Variants in CPOX observed in about 807,000 individuals in gnomAD.
CPOX encodes the protein coproporphyrinogen oxidase.
CPOX carries 24 observed loss-of-function variants against 48.9 expected under a neutral mutation model. The observed-to-expected ratio is 0.49, with a 90% CI of 0.36 to 0.69. CPOX has a LOEUF of 0.69. Among genes scored for constraint, CPOX ranks in the 30% least tolerant of loss-of-function variants. The pLI is 0.00. For missense variants in CPOX, 549 were observed against 597.3 expected, an observed-to-expected ratio of 0.92 and a Z score of 0.84; for synonymous variants, 249 against 234.6, an observed-to-expected ratio of 1.06 and a Z score of -0.56.
intron 1 of CPOX, 116 bp from the exon 2 acceptor site, chr3:98,591,271 T>C: frequency 1.8e-6 from 2 of 1,088,582 alleles, no homozygotes; most frequent in Non-Finnish European, 2.8e-6. Context: ...TCAGTGTATT[T>C]ATCATTTTAT....
chr3:98,589,060 C>T (rs1485481008), intron 3 of CPOX, among the ~76,000 whole-genome samples: 1 of 152,208 alleles, frequency 6.6e-6, no homozygotes, highest in African/African-American at 2.4e-5. Context: ...TGGCTCATGC[C>T]TGTAATCCCA....
chr3:98,591,182 A>G (rs1466014923), intron 1 of CPOX, 27 bp from the exon 2 acceptor site: 1 of 1,613,816 alleles, frequency 6.2e-7, no homozygotes, highest in African/African-American at 1.3e-5. Flanking sequence ...AAAAAAGGAG[A>G]GAATGTAAGA....
chr3:98,578,278 C>A (rs1576295627), downstream of CPOX: 1 of 969,336 alleles, frequency 1.0e-6, no homozygotes, highest in Non-Finnish European at 1.2e-6. Context: ...GAACTGAAAA[C>A]AAATGCACAG....
chr3:98,577,502 C>G (rs903721375), downstream of CPOX, among the ~76,000 whole-genome samples: 6 of 152,118 alleles, frequency 3.9e-5, no homozygotes, highest in African/African-American at 1.2e-4. Flanking sequence ...TCAACAGGAA[C>G]TAATTAGGGC....
intron 5 of CPOX, 32 bp downstream of exon 5, chr3:98,585,409 G>A: frequency 6.4e-7 from 1 of 1,567,878 alleles, no homozygotes; most frequent in East Asian, 2.2e-5. Context: ...CCCCCACTTA[G>A]CCATGAAAGA....
chr3:98,576,271 G>T (rs1039100642), downstream of CPOX, among the ~76,000 whole-genome samples: 4 of 152,152 alleles, frequency 2.6e-5, no homozygotes, highest in Non-Finnish European at 5.9e-5. Context: ...GGGAAGCAAG[G>T]CACCTTCTTC....
chr3:98,582,630 T>C (rs1434953566), intron 5 of CPOX, among the ~76,000 whole-genome samples: 2 of 152,118 alleles, frequency 1.3e-5, no homozygotes, highest in Non-Finnish European at 2.9e-5. Context: ...TAGCTGGGAC[T>C]ATAGGCACCC....
the CPOX span, among the ~76,000 whole-genome samples, chr3:98,572,993 T>C: frequency 1.3e-5 from 2 of 152,224 alleles, no homozygotes; most frequent in African/African-American, 4.8e-5. Context: ...AAACAGAGCT[T>C]TTGAAATGAT....
At chr3:98,591,700 T>C (rs1206927968) in intron 1 of CPOX, among the ~76,000 whole-genome samples, 1 of 152,220 alleles carries the variant, frequency 6.6e-6, no homozygotes, top group Admixed American at 6.5e-5. Context: ...CTTACTAATT[T>C]TTTTTCTTAA....
Position 98,591,119 on chromosome 3 carries a change from C to T in CPOX, c.593G>A (p.Cys198Tyr). The T allele has an allele frequency of 6.2e-7, 1 of 1,614,148 alleles. No homozygotes were observed. Among genetic ancestry groups the T allele is most frequent in the Non-Finnish European group, 8.5e-7 (1 of 1,180,026 alleles). Reference protein sequence around the residue: ...GGISCVLQDGCVFEKAGVSIS... With the variant: ...GGISCVLQDGYVFEKAGVSIS... ...GCTCACCCCAGCCTTTTCGAAAACA[C>T]ACCCATCTTGAAGTACACAGCTGAT... Residue 198 changes from cysteine to tyrosine, a missense_variant, in exon 2 of 7, where the codon TGT (cysteine) becomes TAT (tyrosine). By Grantham distance (194) the Cys-to-Tyr change is radical. Transcript: ENST00000647941.
At position 98,585,452 on chromosome 3, in the gene CPOX, G is replaced by A; in HGVS notation, c.1161C>T (p.Leu387=). 6.2e-7 allele frequency: 1 copy of A among 1,613,762 alleles called. No homozygotes were observed. The highest frequency in any genetic ancestry group is 8.5e-7 in the Non-Finnish European group (1 of 1,179,880). The part of the protein sequence containing the change: ...FTPQEKLWQQ[L]RRGRYVEFNL... Reference sequence around the variant, plus strand: ...TTCCAGTCACTTACCGTCCTCTTCTGAGCTGCTGCCACAGCTTCTCCTGGG... The same window carrying A: ...TTCCAGTCACTTACCGTCCTCTTCTAAGCTGCTGCCACAGCTTCTCCTGGG... Residue 387 remains leucine, a synonymous_variant, in exon 5 of 7, where the codon CTC becomes CTT. Coordinates refer to ENST00000647941, the MANE Select transcript of CPOX (RefSeq NM_000097.7).
At chr3:98,579,385 T>C (rs1707208544), downstream of CPOX, 3 of 547,300 alleles carry the variant, frequency 5.5e-6, no homozygotes, top group South Asian at 1.6e-4. Context: ...AAGGATCAAC[T>C]GTACTAAGAA....
At chr3:98,587,767 C>G (rs1030468667) in intron 4 of CPOX, among the ~76,000 whole-genome samples, 1 of 151,896 alleles carries the variant, frequency 6.6e-6, no homozygotes, top group African/African-American at 2.4e-5. Context: ...CTAAAAACTT[C>G]TTTTTAACTA....
chr3:98,571,120 T>G, the CPOX span, among the ~76,000 whole-genome samples: 3 of 152,218 alleles, frequency 2.0e-5, no homozygotes, highest in Non-Finnish European at 4.4e-5. Context: ...TTTATTAAAC[T>G]TGGGTTGCTT....
chr3:98,572,884 A>T, the CPOX span, among the ~76,000 whole-genome samples: 37 of 152,332 alleles, frequency 2.4e-4, no homozygotes, highest in African/African-American at 8.2e-4. Context: ...GCAATTTTTC[A>T]ATTACAAGCT....
At chr3:98,576,361 C>T (rs1203278246), downstream of CPOX, among the ~76,000 whole-genome samples, 1 of 152,184 alleles carries the variant, frequency 6.6e-6, no homozygotes, top group Non-Finnish European at 1.5e-5. Context: ...TGAGAACTCA[C>T]TCACTACCAC....
chr3:98,582,483 ATT>A (rs917673046), intron 5 of CPOX, among the ~76,000 whole-genome samples: 2 of 149,198 alleles, frequency 1.3e-5, no homozygotes, highest in African/African-American at 2.5e-5. Context: ...TCCCACAATA[ATT>A]TTTTTTTCTT....
Position 98,588,704 on chromosome 3 carries a change from T to C in CPOX, c.953+9A>G. On this transcript the variant is annotated intron_variant, in intron 4 of 6. Coordinates refer to ENST00000647941, the MANE Select transcript of CPOX (RefSeq NM_000097.7). ...TTTGGGGTCATGAAAGTTCAGTAAC[T>C]TTACCTACCATTTTTTAAATTTGGG... is the stretch of plus-strand genomic sequence containing the variant. 6.2e-7 allele frequency: 1 copy of C among 1,614,110 alleles called. No individual in the cohort carries two copies. Among genetic ancestry groups the C allele is most frequent in the Non-Finnish European group, 8.5e-7 (1 of 1,179,998 alleles).
rs1479588510 is a variant in CPOX at position 98,580,011 on chromosome 3, CA to C, written c.*671del. 2.8e-5 allele frequency: 28 copies of C among 984,640 alleles called. No individual in the cohort carries two copies. The highest frequency in any genetic ancestry group is 3.3e-5 in the Non-Finnish European group (27 of 828,968). The allele number at this position is 984,640 out of a possible 1,614,324, so 61.0% of individuals were successfully genotyped here. On this transcript the variant is annotated 3_prime_UTR_variant, in exon 7 of 7. Transcript: ENST00000647941. ...TAACAAACAATGGTTCCACAAAAAT[CA>C]AAATTACAACTTAGACATCTCTAAA...
Sources: allele counts gnomAD v4.1 joint callset (sites outside exome capture counted in the v4.1 genomes callset), GRCh38; gene constraint gnomAD v4.1.1; transcripts MANE v1.5; gene names NCBI Gene and HGNC (gene_info 2026-07-23, HGNC 2026-07-21).